Variants in C16orf96 observed in about 807,000 individuals in gnomAD.
The protein encoded by C16orf96 is uncharacterized protein C16orf96.
In C16orf96, 108 loss-of-function variants were observed where a neutral mutation model predicts 103.6. That is an observed-to-expected ratio of 1.04 (90% CI 0.89 to 1.22). The LOEUF is 1.22. Ranked by LOEUF, C16orf96 falls within the 50% of genes most tolerant of loss-of-function variation. The probability of loss-of-function intolerance (pLI) is 0.00; values close to 1 mark genes in which losing one functional copy is unlikely to be tolerated. For synonymous variants in C16orf96, 566 were observed against 593.5 expected, an observed-to-expected ratio of 0.95 and a Z score of 0.67; for missense variants, 1,586 against 1,464.2, an observed-to-expected ratio of 1.08 and a Z score of -1.36.
intron 7 of C16orf96, among the ~76,000 whole-genome samples, chr16:4,581,982 A>G (rs1223335826): frequency 6.6e-6 from 1 of 151,858 alleles, no homozygotes; most frequent in Non-Finnish European, 1.5e-5. Context: ...ACAAGCAAAA[A>G]GCAAAAAACT....
the C16orf96 span, among the ~76,000 whole-genome samples, chr16:4,547,650 TTCC>T: frequency 3.3e-4 from 2 of 6,148 alleles, no homozygotes; most frequent in Non-Finnish European, 0.014. Flanking sequence ...CTTTCTTTCT[TTCC>T]TTCCTTCCTT....
At position 4,576,294 on chromosome 16, in the gene C16orf96, C is replaced by A. The variant is rs763002750; in HGVS notation, c.1814C>A (p.Ala605Asp). The change falls in exon 5 of 16, where the codon GCC (alanine) becomes GAC (aspartate). Residue 605 changes from alanine (A) to aspartate (D), a missense_variant. Ala to Asp is a moderately radical substitution (Grantham distance 126). Coordinates refer to ENST00000444310, the MANE Select transcript of C16orf96 (RefSeq NM_001145011.2). ...AAGGATGCCCCAGCCACCAAAATGG[C>A]CGCCATTGCAACAGACACGGCTGCA... ...FVKDAPATKM[A>D]AIATDTAAAG... 5 of 1,550,680 alleles carry A rather than the reference C, an allele frequency of 3.2e-6. No individual in the cohort carries two copies. Among genetic ancestry groups the A allele is most frequent in the Non-Finnish European group, 4.4e-6 (5 of 1,147,008 alleles).
intron 5 of C16orf96, 81 bp downstream of exon 5, chr16:4,576,716 A>C: frequency 3.0e-6 from 4 of 1,324,302 alleles, no homozygotes; most frequent in Non-Finnish European, 4.1e-6. Context: ...CCTGTCCTTC[A>C]CTGGGCTCCA....
In C16orf96 at chr16:4,576,044, A is replaced by G. The variant is rs2059502909; in HGVS notation, c.1564A>G (p.Arg522Gly). Residue 522 changes from arginine to glycine, a missense_variant, in exon 5 of 16, where the codon AGA (arginine) becomes GGA (glycine). Coordinates refer to ENST00000444310, the MANE Select transcript of C16orf96 (RefSeq NM_001145011.2). ...RGGKDVDPKD[R>G]AHKDDVPKDR... Reference sequence around the variant, plus strand: ...TGGCAAGGATGTGGACCCCAAGGATAGAGCTCACAAGGATGATGTCCCCAA... The same window carrying G: ...TGGCAAGGATGTGGACCCCAAGGATGGAGCTCACAAGGATGATGTCCCCAA... 2 of 1,551,280 alleles carry G rather than the reference A, an allele frequency of 1.3e-6. No homozygotes were observed. The highest frequency in any genetic ancestry group is 1.7e-6 in the Non-Finnish European group (2 of 1,146,816).
At chr16:4,574,327 A>T (rs2059474863) in intron 2 of C16orf96, among the ~76,000 whole-genome samples, 1 of 152,096 alleles carries the variant, frequency 6.6e-6, no homozygotes, top group Non-Finnish European at 1.5e-5. Context: ...GATTCAAGTG[A>T]TTCTCCTGCC....
rs1010958279 is a variant in C16orf96 at position 4,559,402 on chromosome 16, T to A, written c.420+2493T>A. ...TACTAAAAATAAAAATAAAAAAAAA[T>A]TAGCCAGGCATGGTGGCGCATGCCT... On this transcript the variant is annotated intron_variant, in intron 1 of 15. Coordinates refer to ENST00000444310, the MANE Select transcript of C16orf96 (RefSeq NM_001145011.2). 4.6e-5 allele frequency among the ~76,000 whole-genome samples: 7 copies of A among 151,352 alleles called. No individual in the cohort carries two copies. In the East Asian group the frequency reaches 1.4e-3, roughly 29 times the overall value.
chr16:4,574,798 C>G lies in C16orf96; in HGVS notation c.606+9C>G, dbSNP rs574569398. 3.9e-5 allele frequency: 61 copies of G among 1,551,098 alleles called. No homozygotes were observed. The East Asian group carries it at 1.2e-3, about 32-fold the overall frequency. ...CACTGCAGCGGGAAGTGGTGAGGGCCACCATCCCTGTCTTCCCCCACTCCC... is the reference window on the plus strand; with the variant it reads ...CACTGCAGCGGGAAGTGGTGAGGGCGACCATCCCTGTCTTCCCCCACTCCC... On this transcript the variant is annotated intron_variant, in intron 3 of 15. Transcript: ENST00000444310.
intron 9 of C16orf96, among the ~76,000 whole-genome samples, chr16:4,589,315 A>G (rs534240614): frequency 4.6e-5 from 7 of 152,002 alleles, no homozygotes; most frequent in African/African-American, 1.7e-4. Context: ...GTGGTGGCTC[A>G]CGCCTGTTAT....
At chr16:4,569,297 T>C (rs574138559) in intron 1 of C16orf96, among the ~76,000 whole-genome samples, 1 of 152,310 alleles carries the variant, frequency 6.6e-6, no homozygotes, top group Admixed American at 6.5e-5. Flanking sequence ...TATTCATTAC[T>C]GAAAATAGGA....
the C16orf96 span, among the ~76,000 whole-genome samples, chr16:4,550,166 C>CCT: frequency 2.0e-5 from 3 of 151,440 alleles, no homozygotes; most frequent in African/African-American, 7.3e-5. Flanking sequence ...CTCACTGCAA[C>CCT]CTCTGCCTCT....
intron 1 of C16orf96, among the ~76,000 whole-genome samples, chr16:4,558,272 G>A (rs747113000): frequency 2.0e-5 from 3 of 152,166 alleles, no homozygotes; most frequent in Non-Finnish European, 4.4e-5. Context: ...TGCTAACCCC[G>A]ACCAGCACGT....
At chr16:4,590,668 A>G (rs1897036403) in intron 9 of C16orf96, among the ~76,000 whole-genome samples, 2 of 150,304 alleles carry the variant, frequency 1.3e-5, no homozygotes, top group Admixed American at 6.6e-5. Flanking sequence ...GCAGATCATG[A>G]AGTCAGGAGT....
At chr16:4,596,075 A>G (rs1897164707) in intron 14 of C16orf96, among the ~76,000 whole-genome samples, 1 of 152,076 alleles carries the variant, frequency 6.6e-6, no homozygotes, top group Admixed American at 6.6e-5. Context: ...TGTTTCATCA[A>G]TGTGCTGGGC....
intron 2 of C16orf96, among the ~76,000 whole-genome samples, chr16:4,572,571 G>T (rs1158701982): frequency 1.3e-5 from 2 of 152,028 alleles, no homozygotes; most frequent in African/African-American, 4.8e-5. Flanking sequence ...AAAGTGCCAG[G>T]ATTACAGGCG....
intron 9 of C16orf96, among the ~76,000 whole-genome samples, chr16:4,591,139 A>T (rs1413575121): frequency 6.6e-6 from 1 of 152,222 alleles, no homozygotes; most frequent in Non-Finnish European, 1.5e-5. Flanking sequence ...GTGAGCAGAG[A>T]TTGCACCACT....
At chr16:4,558,347 G>A (rs1203003792) in intron 1 of C16orf96, among the ~76,000 whole-genome samples, 1 of 152,178 alleles carries the variant, frequency 6.6e-6, no homozygotes, top group Non-Finnish European at 1.5e-5. Flanking sequence ...CGAGCACAGT[G>A]GCTCACACCT....
rs1022166155 is a variant in C16orf96, at chr16:4,593,858, C to G, written c.2868-493C>G. Among the ~76,000 whole-genome samples the G allele has an allele frequency of 2.0e-5, 3 of 152,146 alleles. No homozygotes were observed. The highest frequency in any genetic ancestry group is 1.3e-4 in the Admixed American group (2 of 15,268). On this transcript the variant is annotated intron_variant, in intron 12 of 15. Transcript: ENST00000444310. The surrounding 1 kb of genome is among the most constrained non-coding windows in gnomAD (Gnocchi z 4.2). ...GCAAGTCCAGGGCTGATGTCCAAAC[C>G]CTCAGGTTTCCACCGCACCCAGCTG...
intron 14 of C16orf96, among the ~76,000 whole-genome samples, chr16:4,595,508 C>T (rs148009013): frequency 7.2e-4 from 110 of 152,332 alleles, no homozygotes; most frequent in Admixed American, 1.1e-3. Context: ...TGGAGTCCAT[C>T]ACTGGGTTCG....
At chr16:4,552,975 C>A (rs1281372744), upstream of C16orf96, among the ~76,000 whole-genome samples, 4 of 152,154 alleles carry the variant, frequency 2.6e-5, no homozygotes, top group Non-Finnish European at 5.9e-5. Context: ...ATTTAGCAAA[C>A]ACTTACTGAG....
Sources: allele counts gnomAD v4.1 joint callset (sites outside exome capture counted in the v4.1 genomes callset), GRCh38; gene constraint gnomAD v4.1.1; non-coding constraint Gnocchi (gnomAD v3.1); transcripts MANE v1.5; gene names NCBI Gene and HGNC (gene_info 2026-07-23, HGNC 2026-07-21).